USP15: variants seen among roughly 807,000 people sequenced by gnomAD.
USP15 encodes ubiquitin specific peptidase 15, also known as ubiquitin carboxyl-terminal hydrolase 15.
Under a neutral mutation model 127.1 loss-of-function variants are expected in USP15, and 18 were observed. The observed-to-expected ratio is 0.14, with a 90% CI of 0.10 to 0.21. USP15 has a LOEUF of 0.21. USP15 is among the 10% of genes least tolerant of loss of function. USP15 has a pLI of 1.00. For synonymous variants in USP15, 364 were observed against 393.7 expected (o/e 0.92, Z 0.89); for missense variants, 805 against 1,159.9 (o/e 0.69, Z 4.44).
chr12:62,398,536 T>G (rs1419681929), intron 20 of USP15, among the ~76,000 whole-genome samples: 2 of 152,200 alleles, frequency 1.3e-5, no homozygotes, highest in African/African-American at 4.8e-5. Flanking sequence ...TTAATTTCCT[T>G]TATGATTTCC....
rs1385670570 is a variant in USP15, at chr12:62,408,886, ATATT to A, written c.*4512_*4515del. ...TACGTGTTTAATTCGTATTTACTAT[ATATT>A]AAAAGAATTTCCAAATAGCTCAGAT... On this transcript the variant is annotated 3_prime_UTR_variant, in exon 22 of 22. Transcript: ENST00000280377. 6.6e-6 allele frequency: 1 copy of A among 152,090 alleles called. No homozygotes were observed. The highest frequency in any genetic ancestry group is 2.4e-5 in the African/African-American group (1 of 41,438). The allele number at this position is 152,090 out of a possible 1,614,324, so 9.4% of individuals were successfully genotyped here. A position where few individuals can be genotyped will look rare whatever the true frequency, so the allele number is the denominator to read the frequency against.
In USP15 at chr12:62,396,417, T is replaced by C. The variant is rs1359860684; in HGVS notation, c.2674+19T>C. On this transcript the variant is annotated intron_variant, in intron 20 of 21. Coordinates refer to ENST00000280377, the MANE Select transcript of USP15 (RefSeq NM_001252078.2). ...GGACACTGTAAGTTGACAGTTTGCC[T>C]TTTTACCCAAATCATGGTGTTTGAA... The C allele has an allele frequency of 5.0e-6, 8 of 1,601,984 alleles. No homozygotes were observed. Among genetic ancestry groups the C allele is most frequent in the Non-Finnish European group, 6.8e-6 (8 of 1,169,756 alleles).
At chr12:62,328,024 A>G (rs980993694) in intron 6 of USP15, among the ~76,000 whole-genome samples, 2 of 152,216 alleles carry the variant, frequency 1.3e-5, no homozygotes, top group Admixed American at 1.3e-4. Context: ...GGGAAATTCT[A>G]ACTTGATACA....
At chr12:62,338,447 G>A (rs1260071565) in intron 6 of USP15, among the ~76,000 whole-genome samples, 1 of 152,076 alleles carries the variant, frequency 6.6e-6, no homozygotes, top group Non-Finnish European at 1.5e-5. Context: ...TCTGATGATA[G>A]TTTCTTTTCC....
At chr12:62,309,242 A>G (rs1261346977) in intron 3 of USP15, among the ~76,000 whole-genome samples, 1 of 152,144 alleles carries the variant, frequency 6.6e-6, no homozygotes, top group African/African-American at 2.4e-5. Flanking sequence ...CGAATGAAAA[A>G]GGAAACATCA....
At position 62,416,293 on chromosome 12, in the gene USP15, C is replaced by G. The variant is rs1017022019; in HGVS notation, c.*11918C>G. ...GTCTCTTCCCCCACTAGACAATTAC[C>G]TGATGGAAGAATATTGTTCTTAAGA... On this transcript the variant is annotated 3_prime_UTR_variant, in exon 22 of 22. Transcript: ENST00000280377. The G allele has an allele frequency of 6.6e-6, 1 of 152,184 alleles. No homozygotes were observed. The highest frequency in any genetic ancestry group is 2.4e-5 in the African/African-American group (1 of 41,448). The allele number at this position is 152,184 out of a possible 1,614,324, so 9.4% of individuals were successfully genotyped here.
At chr12:62,282,097 G>A (rs546682867) in intron 1 of USP15, among the ~76,000 whole-genome samples, 1 of 152,270 alleles carries the variant, frequency 6.6e-6, no homozygotes, top group African/African-American at 2.4e-5. Context: ...GGAGGCCAAA[G>A]TGGGAGGGCA....
At chr12:62,311,825 C>T (rs1473210632) in intron 3 of USP15, among the ~76,000 whole-genome samples, 3 of 151,602 alleles carry the variant, frequency 2.0e-5, no homozygotes, top group Non-Finnish European at 3.0e-5. Context: ...ATATATGGAC[C>T]TTATTTGGAT....
At chr12:62,307,648 A>G (rs2064525361) in intron 3 of USP15, among the ~76,000 whole-genome samples, 1 of 152,132 alleles carries the variant, frequency 6.6e-6, no homozygotes, top group Admixed American at 6.6e-5. Flanking sequence ...TTCTGGAAAT[A>G]AACAATTCGT....
chr12:62,322,728 G>A (rs1592585003), intron 5 of USP15, among the ~76,000 whole-genome samples: 1 of 151,860 alleles, frequency 6.6e-6, no homozygotes, highest in Non-Finnish European at 1.5e-5. Context: ...ACTTTTCCTG[G>A]TTCCTTAATA....
chr12:62,312,614 T>G (rs970703365), intron 3 of USP15, among the ~76,000 whole-genome samples: 4 of 151,672 alleles, frequency 2.6e-5, no homozygotes, highest in African/African-American at 9.7e-5. Context: ...AATATAACAG[T>G]GTTATAATTC....
At chr12:62,366,196 T>C (rs909335838) in intron 8 of USP15, among the ~76,000 whole-genome samples, 7 of 152,332 alleles carry the variant, frequency 4.6e-5, no homozygotes, top group African/African-American at 1.7e-4. Flanking sequence ...GGAATGTTTT[T>C]CCATTTGTTT....
chr12:62,366,990 G>A (rs1361424524), intron 8 of USP15, among the ~76,000 whole-genome samples: 1 of 152,126 alleles, frequency 6.6e-6, no homozygotes, highest in Non-Finnish European at 1.5e-5. Flanking sequence ...ATGTTCATCA[G>A]GGATATTGGC....
intron 4 of USP15, 76 bp from the exon 5 acceptor site, chr12:62,321,388 G>T: frequency 1.2e-6 from 1 of 855,620 alleles, no homozygotes; most frequent in Non-Finnish European, 1.6e-6. Flanking sequence ...GAATTTTTGT[G>T]CTGGTAACAT....
At chr12:62,274,357 G>T (rs891355354) in intron 1 of USP15, 1 of 150,270 alleles carries the variant, frequency 6.7e-6, no homozygotes, top group Non-Finnish European at 1.5e-5. Flanking sequence ...TTAATATTAG[G>T]CAATTAAGCA....
At chr12:62,290,972 C>T (rs576215452) in intron 1 of USP15, among the ~76,000 whole-genome samples, 6 of 152,088 alleles carry the variant, frequency 3.9e-5, no homozygotes. Context: ...AAGTCATCTG[C>T]CAGGAAGTCT....
intron 1 of USP15, among the ~76,000 whole-genome samples, chr12:62,271,030 TAATCTCA>T: frequency 6.6e-6 from 1 of 152,048 alleles, no homozygotes; most frequent in Non-Finnish European, 1.5e-5. Flanking sequence ...CTTCCACTCC[TAATCTCA>T]TGCCCCAAAA....
chr12:62,375,454 A>G (rs563624024), intron 8 of USP15, among the ~76,000 whole-genome samples: 2 of 152,150 alleles, frequency 1.3e-5, no homozygotes, highest in South Asian at 4.1e-4. Context: ...CATTCCACAT[A>G]CCTGTTTGAG....
intron 3 of USP15, 116 bp from the exon 4 acceptor site, chr12:62,314,674 G>T: frequency 1.0e-6 from 1 of 984,228 alleles, no homozygotes; most frequent in East Asian, 3.0e-5. Flanking sequence ...GGCTTTAATA[G>T]TGACTGGTTT....
Sources: gnomAD v4.1 joint callset for allele counts (sites outside exome capture counted in the v4.1 genomes callset) on GRCh38, gnomAD v4.1.1 for gene constraint, MANE v1.5 for transcripts, NCBI Gene and HGNC (gene_info 2026-07-23, HGNC 2026-07-21) for gene names.